SOCS7: variants seen among roughly 807,000 people sequenced by gnomAD.
SOCS7 encodes NAP-4.
SOCS7 carries 18 observed loss-of-function variants against 58.9 expected under a neutral mutation model. The observed-to-expected ratio is 0.31, with a 90% CI of 0.21 to 0.45. The LOEUF is 0.45. SOCS7 is among the 20% of genes least tolerant of loss of function. SOCS7 has a pLI of 1.00. For missense variants in SOCS7, 667 were observed against 837.3 expected, an observed-to-expected ratio of 0.80 and a Z score of 2.51; for synonymous variants, 388 against 364.3, an observed-to-expected ratio of 1.06 and a Z score of -0.74.
intron 6 of SOCS7, chr17:38,375,808 G>A (rs1413065617): frequency 6.6e-6 from 1 of 151,860 alleles, no homozygotes; most frequent in African/African-American, 2.4e-5. Context: ...GCAAAATGAC[G>A]TATAACAAAA....
chr17:38,358,550 C>T (rs1292065445), intron 1 of SOCS7, among the ~76,000 whole-genome samples: 4 of 151,746 alleles, frequency 2.6e-5, no homozygotes, highest in South Asian at 4.1e-4. Context: ...CCACCATCCT[C>T]AATTTTATGT....
intron 6 of SOCS7, among the ~76,000 whole-genome samples, chr17:38,370,647 C>T (rs1454825825): frequency 2.6e-5 from 4 of 150,962 alleles, no homozygotes; most frequent in African/African-American, 4.9e-5. Flanking sequence ...CGCCTATAAC[C>T]GGAATTTTTT....
At chr17:38,353,232 C>G (rs533320397) in intron 1 of SOCS7, among the ~76,000 whole-genome samples, 200 bp downstream of exon 1, 14 of 152,344 alleles carry the variant, frequency 9.2e-5, no homozygotes, top group African/African-American at 3.4e-4. Context: ...AGTGCACACT[C>G]CGTGACACTT....
In SOCS7 at chr17:38,403,609, CAT is replaced by C. The variant is rs1491211534; in HGVS notation, c.*4128_*4129del. On this transcript the variant is annotated 3_prime_UTR_variant, in exon 10 of 10. Coordinates refer to ENST00000612932, the MANE Select transcript of SOCS7 (RefSeq NM_014598.4). ...GAGTCTGTGTGTGTGCATATGCATG[CAT>C]GTGTGTGTGTGTGTGTGTCCTCATT... The C allele has an allele frequency of 6.6e-5, 10 of 151,740 alleles. No homozygotes were observed. The highest frequency in any genetic ancestry group is 1.7e-4 in the African/African-American group (7 of 41,102). The allele number at this position is 151,740 out of a possible 1,614,324, so 9.4% of individuals were successfully genotyped here.
intron 7 of SOCS7, among the ~76,000 whole-genome samples, chr17:38,381,938 C>G (rs2038005735): frequency 9.3e-6 from 1 of 107,188 alleles, no homozygotes; most frequent in African/African-American, 4.3e-5. Context: ...ACTCCAAAGA[C>G]TCTGTCTCAA....
At position 38,401,492 on chromosome 17, in the gene SOCS7, T is replaced by C. The variant is rs1013677218; in HGVS notation, c.*2010T>C. ...CCTTTTCAACCACCCATAATTTTAA[T>C]ATTATTTTTTAGTGTGTGTGTGCCT... On this transcript the variant is annotated 3_prime_UTR_variant, in exon 10 of 10. Coordinates refer to ENST00000612932, the MANE Select transcript of SOCS7 (RefSeq NM_014598.4). 6.6e-6 allele frequency: 1 copy of C among 152,118 alleles called. No individual in the cohort carries two copies. Among genetic ancestry groups the C allele is most frequent in the Non-Finnish European group, 1.5e-5 (1 of 68,020 alleles). 9.4% of individuals were successfully genotyped at this position (152,118 alleles called of 1,614,324 possible).
At chr17:38,355,478 G>A (rs905919157) in intron 1 of SOCS7, among the ~76,000 whole-genome samples, 10 of 152,318 alleles carry the variant, frequency 6.6e-5, no homozygotes, top group Admixed American at 3.9e-4. Context: ...TCTGGCCAGG[G>A]TAGTTGTGAT....
intron 4 of SOCS7, 27 bp downstream of exon 4, chr17:38,365,436 G>A: frequency 1.3e-6 from 2 of 1,491,212 alleles, no homozygotes; most frequent in Non-Finnish European, 1.8e-6. Context: ...GGCAAGACTT[G>A]TAAGAGTTGG....
Position 38,400,328 on chromosome 17 carries a change from T to C in SOCS7, c.*846T>C, listed in dbSNP as rs1333907337. The C allele has an allele frequency of 6.6e-6, 1 of 152,234 alleles. No homozygotes were observed. Among genetic ancestry groups the C allele is most frequent in the East Asian group, 1.9e-4 (1 of 5,200 alleles). 9.4% of individuals were successfully genotyped at this position (152,234 alleles called of 1,614,324 possible). A position where few individuals can be genotyped will look rare whatever the true frequency, so the allele number is the denominator to read the frequency against. On this transcript the variant is annotated 3_prime_UTR_variant, in exon 10 of 10. Coordinates refer to ENST00000612932, the MANE Select transcript of SOCS7 (RefSeq NM_014598.4). ...ATCATGGTAACAGCATCCCTATTGC[T>C]TCTGCCAGCTGTCATGGCAATCGTG...
At chr17:38,380,168 A>G (rs1349348948) in intron 7 of SOCS7, among the ~76,000 whole-genome samples, 1 of 152,218 alleles carries the variant, frequency 6.6e-6, no homozygotes, top group Admixed American at 6.5e-5. Context: ...CCCTGTCTGC[A>G]GATATTTTAA....
At chr17:38,396,104 C>A (rs1024637733) in intron 9 of SOCS7, 106 bp downstream of exon 9, 17 of 911,022 alleles carry the variant, frequency 1.9e-5, no homozygotes, top group Non-Finnish European at 2.5e-5. Context: ...TGGATAGCCC[C>A]GATCCAGGCA....
At chr17:38,384,169 A>G (rs1196428935) in intron 7 of SOCS7, among the ~76,000 whole-genome samples, 3 of 152,212 alleles carry the variant, frequency 2.0e-5, no homozygotes, top group African/African-American at 4.8e-5. Flanking sequence ...TATGGTGTGC[A>G]GAATGGTGTA....
chr17:38,391,349 T>G (rs914547163), intron 7 of SOCS7, among the ~76,000 whole-genome samples: 4 of 152,150 alleles, frequency 2.6e-5, no homozygotes, highest in Non-Finnish European at 5.9e-5. Flanking sequence ...TGTTTCAAGC[T>G]GAAGAAAGGA....
At position 38,377,857 on chromosome 17, in the gene SOCS7, C is replaced by G; in HGVS notation, c.1681+15C>G. The G allele has an allele frequency of 1.2e-6, 2 of 1,606,388 alleles. No homozygotes were observed. The highest frequency in any genetic ancestry group is 1.1e-5 in the South Asian group (1 of 89,434). On this transcript the variant is annotated intron_variant, in intron 7 of 9. Transcript: ENST00000612932. ...CAGGGTTCCAGGTAAGGCTGTACTTCTGTTAATTATTTAACTTAAGTTGGG... is the reference window on the plus strand; with the variant it reads ...CAGGGTTCCAGGTAAGGCTGTACTTGTGTTAATTATTTAACTTAAGTTGGG...
intron 1 of SOCS7, among the ~76,000 whole-genome samples, chr17:38,360,665 G>C (rs899369185): frequency 1.3e-5 from 2 of 151,980 alleles, no homozygotes; most frequent in South Asian, 4.2e-4. Flanking sequence ...TCAGCCTCCC[G>C]AGTAACTGGG....
At chr17:38,391,417 G>A (rs1447537984) in intron 7 of SOCS7, among the ~76,000 whole-genome samples, 1 of 152,030 alleles carries the variant, frequency 6.6e-6, no homozygotes, top group African/African-American at 2.4e-5. Context: ...TTTAGACAGG[G>A]TCTTACCCTA....
intron 7 of SOCS7, among the ~76,000 whole-genome samples, chr17:38,394,446 T>C (rs2038218635): frequency 6.6e-6 from 1 of 152,168 alleles, no homozygotes; most frequent in South Asian, 2.1e-4. Flanking sequence ...AATAATAGGC[T>C]TGTTAACTTT....
Position 38,395,859 on chromosome 17 carries a change from CT to C in SOCS7, c.1831del (p.Tyr611IlefsTer18). On this transcript the variant is annotated frameshift_variant, in exon 9 of 10. Coordinates refer to ENST00000612932, the MANE Select transcript of SOCS7 (RefSeq NM_014598.4). LOFTEE classifies it high-confidence loss of function. ...TTTGTTTTTCACAGACCTCTGATCT[CT>C]TATATCCGAAAGTTCTACTACTATG... The part of the protein sequence containing the change: ...PDLPLPKPLI[S>X]YIRKFYYYDP... 1 of 1,610,546 alleles carries C rather than the reference CT, an allele frequency of 6.2e-7. No homozygotes were observed.
At chr17:38,397,963 G>C (rs2038266178) in intron 9 of SOCS7, among the ~76,000 whole-genome samples, 1 of 152,168 alleles carries the variant, frequency 6.6e-6, no homozygotes, top group African/African-American at 2.4e-5. Flanking sequence ...CCTTGGAGCA[G>C]AGCATTCTGG....
Sources: gnomAD v4.1 joint callset for allele counts (sites outside exome capture counted in the v4.1 genomes callset) on GRCh38, gnomAD v4.1.1 for gene constraint, MANE v1.5 for transcripts, NCBI Gene and HGNC (gene_info 2026-07-23, HGNC 2026-07-21) for gene names.